Variants in NALF1 observed in about 807,000 individuals in gnomAD.
NALF1 encodes family with sequence similarity 155 member A.
Under a neutral mutation model 48.4 loss-of-function variants are expected in NALF1, and 3 were observed. That is an observed-to-expected ratio of 0.06 (90% CI 0.03 to 0.16). NALF1 has a LOEUF of 0.16. Ranked by LOEUF, NALF1 falls within the 10% of genes least tolerant of loss-of-function variation. The probability of loss-of-function intolerance (pLI) is 1.00; values close to 1 mark genes in which losing one functional copy is unlikely to be tolerated. For synonymous variants in NALF1, 262 were observed against 245.7 expected, an observed-to-expected ratio of 1.07 and a Z score of -0.62; for missense variants, 526 against 571.5, an observed-to-expected ratio of 0.92 and a Z score of 0.81.
At chr13:107,782,689 G>A (rs1425727550) in intron 1 of NALF1, among the ~76,000 whole-genome samples, 1 of 150,926 alleles carries the variant, frequency 6.6e-6, no homozygotes, top group Non-Finnish European at 1.5e-5. Flanking sequence ...GATGTGGGGA[G>A]TGCCTTTGCC....
chr13:107,504,843 C>T (rs1246724893), intron 1 of NALF1, among the ~76,000 whole-genome samples: 1 of 152,090 alleles, frequency 6.6e-6, no homozygotes, highest in Admixed American at 6.5e-5. Context: ...TGCTGTGAGC[C>T]CTCATGTCTC....
At chr13:107,842,235 T>C (rs1880062227) in intron 1 of NALF1, among the ~76,000 whole-genome samples, 1 of 152,008 alleles carries the variant, frequency 6.6e-6, no homozygotes, top group Non-Finnish European at 1.5e-5. Flanking sequence ...TTTTTAGATG[T>C]TTCATCATTT....
intron 2 of NALF1, among the ~76,000 whole-genome samples, chr13:107,205,625 G>T (rs978471654): frequency 6.6e-6 from 1 of 151,606 alleles, no homozygotes; most frequent in Non-Finnish European, 1.5e-5. Context: ...GAAAGAAAAA[G>T]AAAAAAAATG....
At chr13:107,453,204 C>A (rs779183845) in intron 1 of NALF1, among the ~76,000 whole-genome samples, 9 of 152,188 alleles carry the variant, frequency 5.9e-5, no homozygotes, top group African/African-American at 1.9e-4. Flanking sequence ...CTAGTAGAGA[C>A]CCTCTGTGGG....
chr13:107,193,040 A>G (rs994163741), intron 2 of NALF1, among the ~76,000 whole-genome samples: 78 of 151,246 alleles, frequency 5.2e-4, no homozygotes, highest in Non-Finnish European at 2.1e-4. Flanking sequence ...TTATGCTTAT[A>G]TGCTGTACTG....
At chr13:107,567,148 G>A (rs1160100147) in intron 1 of NALF1, among the ~76,000 whole-genome samples, 5 of 151,962 alleles carry the variant, frequency 3.3e-5, no homozygotes, top group East Asian at 1.9e-4. Context: ...ATGTGATAAC[G>A]TAGTTAAAAT....
intron 1 of NALF1, among the ~76,000 whole-genome samples, chr13:107,859,833 T>G (rs1033318871): frequency 4.1e-5 from 6 of 147,870 alleles, no homozygotes; most frequent in Non-Finnish European, 7.4e-5. Flanking sequence ...GAGAATCGCT[T>G]GAACTCAGGA....
intron 1 of NALF1, among the ~76,000 whole-genome samples, chr13:107,682,344 T>C (rs1002501389): frequency 5.3e-5 from 8 of 152,292 alleles, no homozygotes; most frequent in African/African-American, 1.9e-4. Context: ...CTGGCCCGCC[T>C]TGGGACTCAC....
intron 1 of NALF1, among the ~76,000 whole-genome samples, chr13:107,760,521 T>C (rs978443814): frequency 1.3e-5 from 2 of 152,186 alleles, no homozygotes; most frequent in African/African-American, 4.8e-5. Context: ...GAACAAGTAA[T>C]CTGGAAATCT....
chr13:107,577,998 A>C (rs1878201595), intron 1 of NALF1, among the ~76,000 whole-genome samples: 1 of 152,124 alleles, frequency 6.6e-6, no homozygotes, highest in Non-Finnish European at 1.5e-5. Context: ...GATTCCATTC[A>C]TCTAAAAGTA....
intron 2 of NALF1, among the ~76,000 whole-genome samples, chr13:107,187,905 T>C (rs1263550567): frequency 6.6e-6 from 1 of 152,224 alleles, no homozygotes; most frequent in Non-Finnish European, 1.5e-5. Context: ...GGTGCAAAAG[T>C]AATTGTGGTT....
At chr13:107,372,905 C>G (rs1015483455) in intron 1 of NALF1, among the ~76,000 whole-genome samples, 6 of 152,096 alleles carry the variant, frequency 3.9e-5, no homozygotes, top group Non-Finnish European at 8.8e-5. Flanking sequence ...CTAGTAATAC[C>G]AATTACTGGG....
chr13:107,295,510 C>T (rs1204376265), intron 1 of NALF1, among the ~76,000 whole-genome samples: 1 of 152,170 alleles, frequency 6.6e-6, no homozygotes. Context: ...CCTCCCCCTG[C>T]TCAGTGTCTT....
At chr13:107,380,609 AAAC>A (rs1361798122) in intron 1 of NALF1, among the ~76,000 whole-genome samples, 4 of 152,176 alleles carry the variant, frequency 2.6e-5, no homozygotes, top group African/African-American at 9.7e-5. Context: ...TTCCAGAAAT[AAAC>A]AACAACTAAA....
intron 1 of NALF1, among the ~76,000 whole-genome samples, chr13:107,653,951 T>C (rs1200938878): frequency 1.3e-5 from 2 of 152,100 alleles, no homozygotes; most frequent in African/African-American, 4.8e-5. Flanking sequence ...AAGCAATTAT[T>C]TGATTTTCCA....
At chr13:107,351,700 G>T (rs748888489) in intron 1 of NALF1, among the ~76,000 whole-genome samples, 3 of 152,158 alleles carry the variant, frequency 2.0e-5, no homozygotes, top group Non-Finnish European at 2.9e-5. Flanking sequence ...ATCCATTCCA[G>T]ATTATAATCC....
chr13:107,321,587 T>G (rs886765544), intron 1 of NALF1, among the ~76,000 whole-genome samples: 2 of 152,128 alleles, frequency 1.3e-5, no homozygotes, highest in Non-Finnish European at 2.9e-5. Flanking sequence ...TTTTCAGATC[T>G]CTACATGGTA....
intron 1 of NALF1, among the ~76,000 whole-genome samples, chr13:107,443,311 G>C: frequency 6.6e-6 from 1 of 152,072 alleles, no homozygotes; most frequent in East Asian, 1.9e-4. Flanking sequence ...TACCTCCGGG[G>C]TTCAAGTGAT....
intron 1 of NALF1, among the ~76,000 whole-genome samples, chr13:107,423,009 A>G (rs1884218230): frequency 6.6e-6 from 1 of 152,168 alleles, no homozygotes; most frequent in Admixed American, 6.6e-5. Context: ...AGGGAAACCT[A>G]TTGTGACCTT....
Sources: gnomAD v4.1 joint callset for allele counts (sites outside exome capture counted in the v4.1 genomes callset) on GRCh38, gnomAD v4.1.1 for gene constraint, MANE v1.5 for transcripts, NCBI Gene and HGNC (gene_info 2026-07-23, HGNC 2026-07-21) for gene names.